MAP2K5: variants seen among roughly 807,000 people sequenced by gnomAD.
MAP2K5 encodes dual specificity mitogen-activated protein kinase kinase 5.
Under a neutral mutation model 83.1 loss-of-function variants are expected in MAP2K5, and 49 were observed. The observed-to-expected ratio is 0.59, with a 90% CI of 0.47 to 0.75. The LOEUF is 0.75. MAP2K5 is among the 30% of genes least tolerant of loss of function. The pLI is 0.00. For synonymous variants in MAP2K5, 202 were observed against 191.8 expected (o/e 1.05, Z -0.44); for missense variants, 457 against 557.5 (o/e 0.82, Z 1.82).
chr15:67,559,931 T>G lies in MAP2K5; in HGVS notation c.185-3352T>G, dbSNP rs2084702026. Among the ~76,000 whole-genome samples the G allele has an allele frequency of 6.6e-6, 1 of 152,244 alleles. No individual in the cohort carries two copies. Among genetic ancestry groups the G allele is most frequent in the Non-Finnish European group, 1.5e-5 (1 of 68,046 alleles). ...TAGTACCACTACTTTCTAGTGTTGT[T>G]CTCTAACATATTTGTACCTCTGAAA... On this transcript the variant is annotated intron_variant, in intron 2 of 21. Transcript: ENST00000178640. This position sits in a 1 kb window ranked among gnomAD's most constrained non-coding sequence, Gnocchi z 4.7.
At chr15:67,745,975 A>G (rs1426460818) in intron 17 of MAP2K5, among the ~76,000 whole-genome samples, 1 of 152,226 alleles carries the variant, frequency 6.6e-6, no homozygotes, top group African/African-American at 2.4e-5. Context: ...ATAAAACCTG[A>G]TAACGTCTCT....
chr15:67,684,132 C>T (rs752660418), intron 13 of MAP2K5, among the ~76,000 whole-genome samples: 4 of 152,178 alleles, frequency 2.6e-5, no homozygotes, highest in Non-Finnish European at 5.9e-5. Flanking sequence ...AGTTCCCTTG[C>T]GTCTGGCCTA....
intron 8 of MAP2K5, among the ~76,000 whole-genome samples, chr15:67,612,386 G>T (rs2085945735): frequency 6.6e-6 from 1 of 151,986 alleles, no homozygotes; most frequent in South Asian, 2.1e-4. Flanking sequence ...ATATATTTTT[G>T]TAACTCAACA....
At chr15:67,679,089 C>T (rs1426826428) in intron 13 of MAP2K5, among the ~76,000 whole-genome samples, 5 of 152,152 alleles carry the variant, frequency 3.3e-5, no homozygotes, top group African/African-American at 1.2e-4. Context: ...ACAGCCCCCT[C>T]GGCACCCAGC....
At chr15:67,753,778 CT>C (rs1325773476) in intron 19 of MAP2K5, among the ~76,000 whole-genome samples, 1 of 152,210 alleles carries the variant, frequency 6.6e-6, no homozygotes, top group African/African-American at 2.4e-5. Context: ...TCCACAGTTG[CT>C]GTGGAATACA....
chr15:67,600,815 G>A (rs1596628614), intron 8 of MAP2K5, 66 bp downstream of exon 8: 2 of 1,236,680 alleles, frequency 1.6e-6, no homozygotes, highest in East Asian at 2.4e-5. Context: ...CAAGTTCTCT[G>A]TGGCAAAGAT....
intron 1 of MAP2K5, among the ~76,000 whole-genome samples, chr15:67,546,905 A>G (rs1001651575): frequency 6.6e-6 from 1 of 152,068 alleles, no homozygotes; most frequent in Non-Finnish European, 1.5e-5. Context: ...TCTCTACAAA[A>G]AATGCAAAAA....
At chr15:67,611,339 A>G (rs1165873680) in intron 8 of MAP2K5, among the ~76,000 whole-genome samples, 1 of 152,154 alleles carries the variant, frequency 6.6e-6, no homozygotes, top group African/African-American at 2.4e-5. Context: ...TGTGTACACC[A>G]TTTGTTTCTC....
At chr15:67,548,078 G>A (rs190500190) in intron 1 of MAP2K5, among the ~76,000 whole-genome samples, 14 of 152,192 alleles carry the variant, frequency 9.2e-5, no homozygotes, top group East Asian at 1.9e-4. Context: ...TGTTTATGTC[G>A]ATGGGCTAAG....
At chr15:67,789,171 A>G (rs758978927) in intron 21 of MAP2K5, among the ~76,000 whole-genome samples, 5 of 152,146 alleles carry the variant, frequency 3.3e-5, no homozygotes, top group Non-Finnish European at 7.4e-5. Context: ...GTCTTTCCAT[A>G]TAATATAAAG....
chr15:67,726,595 C>A (rs1183233466), intron 16 of MAP2K5, among the ~76,000 whole-genome samples: 6 of 152,194 alleles, frequency 3.9e-5, no homozygotes, highest in Non-Finnish European at 7.3e-5. Context: ...CAGAACTTCT[C>A]AAGATCTAGA....
At chr15:67,682,061 T>C (rs1247329954) in intron 13 of MAP2K5, among the ~76,000 whole-genome samples, 2 of 152,240 alleles carry the variant, frequency 1.3e-5, no homozygotes, top group African/African-American at 4.8e-5. Context: ...AATTGCTGTT[T>C]GTTTTCCATA....
At position 67,736,858 on chromosome 15, in the gene MAP2K5, T is replaced by C. The variant is rs1424771244; in HGVS notation, c.1074+8913T>C. On this transcript the variant is annotated intron_variant, in intron 17 of 21. Transcript: ENST00000178640. This position sits in a 1 kb window ranked among gnomAD's most constrained non-coding sequence, Gnocchi z 4.3. ...TTCCACTTCTCTCCCTTTGCTTTTA[T>C]TGATGCAGTCTGCTACTTTATGGAA... Among the ~76,000 whole-genome samples, 1 of 152,226 alleles carries C rather than the reference T, an allele frequency of 6.6e-6. No individual in the cohort carries two copies. Among genetic ancestry groups the C allele is most frequent in the African/African-American group, 2.4e-5 (1 of 41,464 alleles).
chr15:67,731,354 A>G (rs2141251482), intron 17 of MAP2K5, among the ~76,000 whole-genome samples: 1 of 152,286 alleles, frequency 6.6e-6, no homozygotes, highest in Non-Finnish European at 1.5e-5. Context: ...CCCTGGGAGC[A>G]ACATAAAGGT....
chr15:67,585,720 C>T (rs906883730), intron 4 of MAP2K5, 170 bp from the exon 5 acceptor site: 1 of 586,518 alleles, frequency 1.7e-6, no homozygotes, highest in Admixed American at 2.7e-5. Context: ...CTCACTCCTG[C>T]AAGTTAAAAC....
intron 8 of MAP2K5, among the ~76,000 whole-genome samples, chr15:67,603,596 C>T (rs994722764): frequency 2.0e-5 from 3 of 152,124 alleles, no homozygotes; most frequent in African/African-American, 7.2e-5. Flanking sequence ...ATTGCATAAC[C>T]GCTTGTCATT....
chr15:67,584,394 A>G (rs1432142571), intron 4 of MAP2K5, among the ~76,000 whole-genome samples: 1 of 152,198 alleles, frequency 6.6e-6, no homozygotes, highest in Non-Finnish European at 1.5e-5. Flanking sequence ...TGCTTACTTC[A>G]GTGGAAATAT....
chr15:67,729,527 T>C (rs2141249659), intron 17 of MAP2K5, among the ~76,000 whole-genome samples: 1 of 152,236 alleles, frequency 6.6e-6, no homozygotes, highest in East Asian at 1.9e-4. Flanking sequence ...TCCCAGCACT[T>C]TGGGAGGCCG....
rs1432481061 is a variant in MAP2K5, at chr15:67,565,653, G to T, written c.252+2303G>T. 2.6e-5 allele frequency among the ~76,000 whole-genome samples: 4 copies of T among 152,166 alleles called. No individual in the cohort carries two copies. The highest frequency in any genetic ancestry group is 1.3e-4 in the Admixed American group (2 of 15,270). On this transcript the variant is annotated intron_variant, in intron 3 of 21. Coordinates refer to ENST00000178640, the MANE Select transcript of MAP2K5 (RefSeq NM_145160.3). The surrounding 1 kb of genome is among the most constrained non-coding windows in gnomAD (Gnocchi z 4.1). ...AAATTCAGTGTTTAATTATTTTTGT[G>T]TTGTAGGAAAATATGATTACATAAT...
Sources: gnomAD v4.1 joint callset for allele counts (sites outside exome capture counted in the v4.1 genomes callset) on GRCh38, gnomAD v4.1.1 for gene constraint, Gnocchi (gnomAD v3.1) non-coding constraint, MANE v1.5 for transcripts, NCBI Gene and HGNC (gene_info 2026-07-23, HGNC 2026-07-21) for gene names.